Variants in AXDND1 observed in about 807,000 individuals in gnomAD.
The protein encoded by AXDND1 is axonemal dynein light chain domain containing 1.
A neutral mutation model predicts 137.5 loss-of-function variants in AXDND1; 110 were observed. The observed-to-expected ratio is 0.80, with a 90% confidence interval of 0.69 to 0.94. The LOEUF (loss-of-function observed/expected upper bound fraction) is 0.94, where lower values mean the gene tolerates loss of function less well. Among genes scored for constraint, AXDND1 ranks in the 40% least tolerant of loss-of-function variants. AXDND1 has a pLI of 0.00. For missense variants in AXDND1, 1,191 were observed against 1,169.8 expected, an observed-to-expected ratio of 1.02 and a Z score of -0.26; for synonymous variants, 414 against 399.7, an observed-to-expected ratio of 1.04 and a Z score of -0.43.
chr1:179,517,096 C>T lies in AXDND1; in HGVS notation c.2496+7693C>T, dbSNP rs998061750. On this transcript the variant is annotated intron_variant, in intron 21 of 25. Coordinates refer to ENST00000367618, the MANE Select transcript of AXDND1 (RefSeq NM_144696.6). Reference sequence around the variant, plus strand: ...CGGGGCAGGGCTAGGCGTGTCTGAGCTCAGATTCTTCTTGGGCAGGTCTTG... The same window carrying T: ...CGGGGCAGGGCTAGGCGTGTCTGAGTTCAGATTCTTCTTGGGCAGGTCTTG... Among the ~76,000 whole-genome samples the T allele has an allele frequency of 2.0e-5, 3 of 152,182 alleles. No homozygotes were observed. In the East Asian group the frequency reaches 5.8e-4, roughly 29 times the overall value.
At chr1:179,505,816 A>G in intron 20 of AXDND1, among the ~76,000 whole-genome samples, 1 of 152,202 alleles carries the variant, frequency 6.6e-6, no homozygotes, top group Non-Finnish European at 1.5e-5. Flanking sequence ...GTTCCCCAAG[A>G]GTACTAAGGC....
At chr1:179,475,423 C>T (rs1664490586) in intron 17 of AXDND1, among the ~76,000 whole-genome samples, 1 of 152,240 alleles carries the variant, frequency 6.6e-6, no homozygotes, top group Non-Finnish European at 1.5e-5. Flanking sequence ...TATGGGAATG[C>T]ACCTCTTGCA....
At chr1:179,453,292 C>G (rs1242013255) in intron 16 of AXDND1, 1 of 152,306 alleles carries the variant, frequency 6.6e-6, no homozygotes, top group African/African-American at 2.4e-5. Flanking sequence ...GGGCCACTGT[C>G]CTCCAGACCC....
intron 11 of AXDND1, among the ~76,000 whole-genome samples, chr1:179,396,297 T>C (rs1651052110): frequency 6.6e-6 from 1 of 152,136 alleles, no homozygotes; most frequent in Non-Finnish European, 1.5e-5. Flanking sequence ...TAATCAATAG[T>C]TGGTATGTAA....
At chr1:179,381,194 C>T (rs1276119278) in intron 6 of AXDND1, among the ~76,000 whole-genome samples, 6 of 151,150 alleles carry the variant, frequency 4.0e-5, no homozygotes, top group Admixed American at 6.6e-5. Flanking sequence ...GCAGGCACCA[C>T]GGTGCCTGGC....
intron 17 of AXDND1, among the ~76,000 whole-genome samples, chr1:179,473,437 G>T (rs554092664): frequency 6.6e-6 from 1 of 152,102 alleles, no homozygotes; most frequent in African/African-American, 2.4e-5. Context: ...GGTGGAGTTT[G>T]CAGTGAGCCG....
At chr1:179,441,065 C>T (rs1034823250) in intron 15 of AXDND1, among the ~76,000 whole-genome samples, 2 of 152,166 alleles carry the variant, frequency 1.3e-5, no homozygotes, top group Non-Finnish European at 2.9e-5. Flanking sequence ...CCTCCGGGAA[C>T]CCATCCCTGA....
chr1:179,473,736 G>C (rs937431346), intron 17 of AXDND1, among the ~76,000 whole-genome samples: 14 of 152,130 alleles, frequency 9.2e-5, no homozygotes, highest in Admixed American at 4.6e-4. Flanking sequence ...CCCCCACGCT[G>C]TTCTCATGAG....
At chr1:179,482,096 T>TA (rs1665466943) in intron 17 of AXDND1, among the ~76,000 whole-genome samples, 1 of 109,916 alleles carries the variant, frequency 9.1e-6, no homozygotes, top group Non-Finnish European at 1.8e-5. Flanking sequence ...AGGAGCTTTT[T>TA]AATTTTTTTT....
intron 16 of AXDND1, chr1:179,456,577 C>A: frequency 1.3e-6 from 1 of 779,962 alleles, no homozygotes; most frequent in East Asian, 2.5e-5. Context: ...GGGCCACCTC[C>A]TCCATAACCA....
At chr1:179,371,518 C>T (rs922421324) in intron 4 of AXDND1, among the ~76,000 whole-genome samples, 4 of 152,102 alleles carry the variant, frequency 2.6e-5, no homozygotes, top group African/African-American at 9.7e-5. Context: ...CAGGATAATG[C>T]CCCCTCAACC....
At chr1:179,533,937 G>A (rs1671272806) in intron 24 of AXDND1, 60 bp downstream of exon 24, 1 of 1,467,796 alleles carries the variant, frequency 6.8e-7, no homozygotes, top group Non-Finnish European at 9.5e-7. Context: ...AGGTTTGACT[G>A]AGAAATTCAC....
At chr1:179,444,532 T>C (rs1238089048) in intron 15 of AXDND1, among the ~76,000 whole-genome samples, 1 of 152,136 alleles carries the variant, frequency 6.6e-6, no homozygotes, top group Non-Finnish European at 1.5e-5. Flanking sequence ...TGTTCAGGAC[T>C]TGGACTTGGG....
intron 9 of AXDND1, among the ~76,000 whole-genome samples, chr1:179,386,525 A>C (rs1409822638): frequency 6.6e-6 from 1 of 151,220 alleles, no homozygotes; most frequent in African/African-American, 2.4e-5. Flanking sequence ...CTGTCCCTCC[A>C]CCTCTTTTGA....
intron 3 of AXDND1, among the ~76,000 whole-genome samples, chr1:179,369,663 AT>A (rs59577735): frequency 0.37 from 53,902 of 147,370 alleles, 9,899 homozygotes; most frequent in African/African-American, 0.4. Flanking sequence ...AAAAAAAAAA[AT>A]TTAAAATAAT....
chr1:179,474,070 C>T (rs1431831422), intron 17 of AXDND1, among the ~76,000 whole-genome samples: 1 of 151,822 alleles, frequency 6.6e-6, no homozygotes, highest in Non-Finnish European at 1.5e-5. Flanking sequence ...ACTAAAAATA[C>T]AAAAATTAGT....
chr1:179,466,623 C>T (rs1663237203), intron 16 of AXDND1, among the ~76,000 whole-genome samples: 1 of 152,038 alleles, frequency 6.6e-6, no homozygotes, highest in African/African-American at 2.4e-5. Context: ...GTTGTAGTCA[C>T]AGTTAATTTT....
rs1023020657 is a variant in AXDND1 at position 179,447,723 on chromosome 1, A to C, written c.1798+2519A>C. ...ACTTTGTAGGCATGACTTTACCTAA[A>C]CTATTTGCACCAGTAGCTCCAATCA... On this transcript the variant is annotated intron_variant, in intron 16 of 25. Coordinates refer to ENST00000367618, the MANE Select transcript of AXDND1 (RefSeq NM_144696.6). 7.4e-6 allele frequency: 10 copies of C among 1,347,546 alleles called. No individual in the cohort carries two copies. The East Asian group carries it at 1.1e-4, about 15-fold the overall frequency. The allele number at this position is 1,347,546 out of a possible 1,614,324, so 83.5% of individuals were successfully genotyped here. A position where few individuals can be genotyped will look rare whatever the true frequency, so the allele number is the denominator to read the frequency against.
intron 5 of AXDND1, 25 bp downstream of exon 5, chr1:179,378,782 T>C (rs764120621): frequency 6.8e-6 from 10 of 1,465,644 alleles, no homozygotes; most frequent in Non-Finnish European, 4.5e-6. Flanking sequence ...TGACAAATAA[T>C]CTTCTCTCCC....
Sources: allele counts gnomAD v4.1 joint callset (sites outside exome capture counted in the v4.1 genomes callset), GRCh38; gene constraint gnomAD v4.1.1; transcripts MANE v1.5; gene names NCBI Gene and HGNC (gene_info 2026-07-23, HGNC 2026-07-21).